Variants in MRTFA observed in about 807,000 individuals in gnomAD.
The protein encoded by MRTFA is myocardin related transcription factor A, also known as myocardin-related transcription factor A.
MRTFA carries 20 observed loss-of-function variants against 83.5 expected under a neutral mutation model. That is an observed-to-expected ratio of 0.24 (90% CI 0.17 to 0.35). The LOEUF is 0.35. MRTFA is among the 10% of genes least tolerant of loss of function. MRTFA has a pLI of 1.00. For synonymous variants in MRTFA, 659 were observed against 541.2 expected (o/e 1.22, Z -3.02); for missense variants, 1,200 against 1,224.7 (o/e 0.98, Z 0.30).
intron 2 of MRTFA, among the ~76,000 whole-genome samples, chr22:40,567,110 G>C (rs2055717013): frequency 6.6e-6 from 1 of 152,180 alleles, no homozygotes; most frequent in South Asian, 2.1e-4. Flanking sequence ...ACTCTGAAAA[G>C]TAGAGACATT....
intron 3 of MRTFA, among the ~76,000 whole-genome samples, chr22:40,544,529 AT>A (rs1331337554): frequency 1.3e-5 from 2 of 152,200 alleles, no homozygotes; most frequent in African/African-American, 4.8e-5. Context: ...ACCCAGCTAA[AT>A]TTAGAGATTC....
intron 2 of MRTFA, among the ~76,000 whole-genome samples, chr22:40,560,458 AGAGC>A (rs1322557576): frequency 6.6e-6 from 1 of 152,206 alleles, no homozygotes; most frequent in Admixed American, 6.5e-5. Flanking sequence ...TCATTTTGAA[AGAGC>A]CCACAGGATA....
intron 1 of MRTFA, among the ~76,000 whole-genome samples, chr22:40,598,182 G>C (rs1269961823): frequency 6.6e-6 from 1 of 151,948 alleles, no homozygotes; most frequent in African/African-American, 2.4e-5. Flanking sequence ...GTTATTTTTT[G>C]GTGGTTGTTT....
intron 2 of MRTFA, among the ~76,000 whole-genome samples, chr22:40,591,855 A>T (rs1006936770): frequency 5.9e-5 from 9 of 152,220 alleles, no homozygotes; most frequent in Non-Finnish European, 8.8e-5. Flanking sequence ...ATAGATTAAG[A>T]AATGTTAATG....
intron 13 of MRTFA, 53 bp downstream of exon 13, chr22:40,417,288 C>T: frequency 1.9e-6 from 3 of 1,583,118 alleles, no homozygotes; most frequent in East Asian, 2.3e-5. Flanking sequence ...AGCCTCAGCC[C>T]AGCAGCCTAG....
chr22:40,595,479 A>C (rs1284385027), intron 1 of MRTFA, among the ~76,000 whole-genome samples: 1 of 152,150 alleles, frequency 6.6e-6, no homozygotes, highest in Admixed American at 6.5e-5. Flanking sequence ...GGTTATCATA[A>C]TGGTTTGTAT....
chr22:40,419,380 G>A lies in MRTFA; in HGVS notation c.1358C>T (p.Ala453Val), dbSNP rs753112177. The A allele has an allele frequency of 6.2e-7, 1 of 1,613,250 alleles. No homozygotes were observed. Among genetic ancestry groups the A allele is most frequent in the South Asian group, 1.1e-5 (1 of 91,078 alleles). ...CAACTTCAGCTCCTGCTTCAGCTCTGCCACCTGCAAGGCAGTCAAGAGTCA... is the reference window on the plus strand; with the variant it reads ...CAACTTCAGCTCCTGCTTCAGCTCTACCACCTGCAAGGCAGTCAAGAGTCA... Residue 453 changes from alanine to valine, a missense_variant, in exon 12 of 15, where the codon GCA becomes GTA. Ala to Val is a moderately conservative substitution (Grantham distance 64). Around this residue, in one of 2 missense-constraint regions of MRTFA, gnomAD observed 1,107 missense variants for 1,041.8 expected, o/e 1.06. Coordinates refer to ENST00000355630, the MANE Select transcript of MRTFA (RefSeq NM_020831.6).
chr22:40,599,083 A>C (rs1442587762), intron 1 of MRTFA, among the ~76,000 whole-genome samples: 1 of 151,460 alleles, frequency 6.6e-6, no homozygotes, highest in Non-Finnish European at 1.5e-5. Flanking sequence ...TGATCACCTG[A>C]GGTTGGGAGT....
intron 3 of MRTFA, among the ~76,000 whole-genome samples, chr22:40,548,680 A>G (rs1327139604): frequency 1.3e-5 from 2 of 152,064 alleles, no homozygotes; most frequent in Non-Finnish European, 2.9e-5. Flanking sequence ...CCTGGCCAAC[A>G]TGGTGAAACC....
At chr22:40,543,652 A>G (rs2055323464) in intron 3 of MRTFA, among the ~76,000 whole-genome samples, 1 of 152,366 alleles carries the variant, frequency 6.6e-6, no homozygotes, top group Non-Finnish European at 1.5e-5. Flanking sequence ...CAAAGTGTCT[A>G]AAAACAAATC....
rs192741513 is a variant in MRTFA at position 40,434,582 on chromosome 22, C to A, written c.363+917G>T. ...ACTAAAAATACAAAAATTACCCAGG[C>A]GTGGTGGCGGGAGCCTGTAGGTCCA... On this transcript the variant is annotated intron_variant, in intron 5 of 14. Coordinates refer to ENST00000355630, the MANE Select transcript of MRTFA (RefSeq NM_020831.6). Among the ~76,000 whole-genome samples the A allele has an allele frequency of 8.9e-4, 136 of 152,024 alleles. 1 individual carries two copies. In the Middle Eastern group the frequency reaches 0.02, roughly 23 times the overall value.
chr22:40,563,503 GA>G (rs55787923), intron 2 of MRTFA, among the ~76,000 whole-genome samples: 5,605 of 89,854 alleles, frequency 0.062, 120 homozygotes, highest in Middle Eastern at 0.12. Flanking sequence ...CACAGATACA[GA>G]AAAAAAAAAA....
chr22:40,571,211 AAAAAT>A (rs1300875883), intron 2 of MRTFA, among the ~76,000 whole-genome samples: 18 of 152,124 alleles, frequency 1.2e-4, no homozygotes, highest in African/African-American at 3.4e-4. Flanking sequence ...CTCTCTCAAA[AAAAAT>A]AAAATAAAAG....
chr22:40,567,601 G>A (rs1354774811), intron 2 of MRTFA, among the ~76,000 whole-genome samples: 1 of 152,068 alleles, frequency 6.6e-6, no homozygotes, highest in Non-Finnish European at 1.5e-5. Context: ...ATGTTGCCAG[G>A]CCACGGAAAA....
intron 4 of MRTFA, among the ~76,000 whole-genome samples, chr22:40,446,887 T>C (rs1246695605): frequency 6.6e-6 from 1 of 152,238 alleles, no homozygotes; most frequent in Admixed American, 6.5e-5. Flanking sequence ...GTTTTAGTGT[T>C]GGGTTATTCA....
At chr22:40,548,202 T>C (rs1331991939) in intron 3 of MRTFA, among the ~76,000 whole-genome samples, 8 of 150,976 alleles carry the variant, frequency 5.3e-5, no homozygotes, top group African/African-American at 2.0e-4. Context: ...CTACTAAAAA[T>C]ACAAAAATTA....
At chr22:40,522,271 G>A (rs1248197052) in intron 3 of MRTFA, 2 of 152,124 alleles carry the variant, frequency 1.3e-5, no homozygotes, top group East Asian at 1.9e-4. Flanking sequence ...CAAAACCACT[G>A]CTATGACATA....
chr22:40,573,498 G>C (rs988134687), intron 2 of MRTFA, among the ~76,000 whole-genome samples: 1 of 152,120 alleles, frequency 6.6e-6, no homozygotes, highest in African/African-American at 2.4e-5. Flanking sequence ...TGAGTGATCT[G>C]CCTGCCTTAG....
At chr22:40,593,737 G>A (rs1470255772) in intron 2 of MRTFA, among the ~76,000 whole-genome samples, 1 of 152,188 alleles carries the variant, frequency 6.6e-6, no homozygotes, top group Non-Finnish European at 1.5e-5. Context: ...GAGAAAGCCA[G>A]TCTCAAGAAC....
Sources: allele counts gnomAD v4.1 joint callset (sites outside exome capture counted in the v4.1 genomes callset), GRCh38; gene constraint gnomAD v4.1.1; regional missense constraint gnomAD v4.1.1; transcripts MANE v1.5; gene names NCBI Gene and HGNC (gene_info 2026-07-23, HGNC 2026-07-21).